PPM1E: variants seen among roughly 807,000 people sequenced by gnomAD.
The protein encoded by PPM1E is protein phosphatase 1E.
PPM1E carries 20 observed loss-of-function variants against 65.9 expected under a neutral mutation model. The observed-to-expected ratio is 0.30, with a 90% CI of 0.21 to 0.44. The LOEUF is 0.44. PPM1E is among the 20% of genes least tolerant of loss of function. PPM1E has a pLI of 1.00. For missense variants in PPM1E, 713 were observed against 953.1 expected, an observed-to-expected ratio of 0.75 and a Z score of 3.32; for synonymous variants, 352 against 374.9, an observed-to-expected ratio of 0.94 and a Z score of 0.70.
chr17:58,849,203 G>C (rs530622012), intron 1 of PPM1E, among the ~76,000 whole-genome samples: 2 of 151,896 alleles, frequency 1.3e-5, no homozygotes, highest in South Asian at 4.2e-4. Flanking sequence ...CAATTTTGTT[G>C]ATCTTTTCAA....
rs770556324 is a variant in PPM1E at position 58,955,564 on chromosome 17, T to C, written c.465-85T>C. 5 of 1,448,928 alleles carry C rather than the reference T, an allele frequency of 3.5e-6. No homozygotes were observed. In the East Asian group the frequency reaches 9.7e-5, roughly 28 times the overall value. The allele number at this position is 1,448,928 out of a possible 1,614,324, so 89.8% of individuals were successfully genotyped here. On this transcript the variant is annotated intron_variant, in intron 1 of 6. Coordinates refer to ENST00000308249, the MANE Select transcript of PPM1E (RefSeq NM_014906.5). ...ATAATTTTGTTTTGAGACAATGTTA[T>C]AATTAATATGTAATTATTATAACGT...
chr17:58,957,290 C>T (rs1370598619), intron 2 of PPM1E, among the ~76,000 whole-genome samples: 4 of 152,096 alleles, frequency 2.6e-5, no homozygotes, highest in East Asian at 1.9e-4. Flanking sequence ...TGATGTCTTA[C>T]GCTACTCCCT....
intron 1 of PPM1E, among the ~76,000 whole-genome samples, chr17:58,764,188 T>A (rs1020913231): frequency 7.2e-5 from 11 of 151,978 alleles, no homozygotes; most frequent in African/African-American, 2.4e-4. Context: ...CATCCCAATT[T>A]GGAGTATCAC....
chr17:58,897,215 C>A (rs1407711128), intron 1 of PPM1E, among the ~76,000 whole-genome samples: 1 of 152,052 alleles, frequency 6.6e-6, no homozygotes, highest in East Asian at 1.9e-4. Context: ...GAGATCGAGA[C>A]CATCCTGGCT....
chr17:58,863,789 A>G (rs187833031), intron 1 of PPM1E, among the ~76,000 whole-genome samples: 57 of 152,182 alleles, frequency 3.7e-4, no homozygotes, highest in Non-Finnish European at 7.5e-4. Flanking sequence ...TCCCAACCGA[A>G]CACCTCTCCG....
chr17:58,845,270 T>G (rs979235899), intron 1 of PPM1E, among the ~76,000 whole-genome samples: 30 of 151,732 alleles, frequency 2.0e-4, no homozygotes, highest in Non-Finnish European at 7.4e-5. Flanking sequence ...GATTCATTCC[T>G]CTACAGTTCT....
At chr17:58,945,263 G>A (rs2052133152) in intron 1 of PPM1E, among the ~76,000 whole-genome samples, 1 of 151,680 alleles carries the variant, frequency 6.6e-6, no homozygotes, top group Admixed American at 6.6e-5. Context: ...TCCTGCCTCA[G>A]CCTCCCGAGT....
At chr17:58,813,651 A>G (rs1283284079) in intron 1 of PPM1E, among the ~76,000 whole-genome samples, 1 of 152,372 alleles carries the variant, frequency 6.6e-6, no homozygotes, top group Non-Finnish European at 1.5e-5. Context: ...ATGGGGGAAT[A>G]AATTATATTG....
At chr17:58,823,777 C>T (rs905650927) in intron 1 of PPM1E, among the ~76,000 whole-genome samples, 1 of 152,126 alleles carries the variant, frequency 6.6e-6, no homozygotes, top group Non-Finnish European at 1.5e-5. Flanking sequence ...GTTGCCCAGG[C>T]TGGAGTGCAG....
intron 1 of PPM1E, among the ~76,000 whole-genome samples, chr17:58,843,879 A>G (rs1467117030): frequency 3.3e-5 from 5 of 152,172 alleles, no homozygotes; most frequent in African/African-American, 1.2e-4. Flanking sequence ...TGTAGGGGAA[A>G]TGGCATATGA....
chr17:58,970,179 T>G (rs1432350600), intron 4 of PPM1E, among the ~76,000 whole-genome samples: 1 of 152,172 alleles, frequency 6.6e-6, no homozygotes, highest in Non-Finnish European at 1.5e-5. Context: ...GTGTATCTCT[T>G]GAGGGAAAAT....
intron 6 of PPM1E, 95 bp downstream of exon 6, chr17:58,973,020 T>C (rs918591946): frequency 2.2e-5 from 17 of 772,404 alleles, no homozygotes; most frequent in Non-Finnish European, 3.0e-5. Context: ...TGATAATTTA[T>C]GTTACCAGAA....
Position 58,983,023 on chromosome 17 carries a change from G to T in PPM1E, c.*1992G>T. 1 of 1,071,824 alleles carries T rather than the reference G, an allele frequency of 9.3e-7. No homozygotes were observed. The highest frequency in any genetic ancestry group is 2.6e-5 in the East Asian group (1 of 38,468). 66.4% of individuals were successfully genotyped at this position (1,071,824 alleles called of 1,614,324 possible). A position where few individuals can be genotyped will look rare whatever the true frequency, so the allele number is the denominator to read the frequency against. On this transcript the variant is annotated 3_prime_UTR_variant, in exon 7 of 7. Transcript: ENST00000308249. ...AAAGCTTTTTAAAATTTCTATTGTT[G>T]TCTATTGGTAATGTTTTTGATCAGA...
intron 1 of PPM1E, among the ~76,000 whole-genome samples, chr17:58,845,393 T>G (rs917653342): frequency 6.6e-6 from 1 of 151,956 alleles, no homozygotes; most frequent in Non-Finnish European, 1.5e-5. Flanking sequence ...TTATTGGTAT[T>G]AAGTATATTA....
intron 1 of PPM1E, among the ~76,000 whole-genome samples, chr17:58,904,794 A>G (rs1469890652): frequency 2.0e-5 from 3 of 151,176 alleles, no homozygotes; most frequent in South Asian, 4.2e-4. Context: ...TTTTAATTTC[A>G]CATTCCCCAC....
intron 1 of PPM1E, among the ~76,000 whole-genome samples, chr17:58,817,942 G>A (rs1190961649): frequency 2.0e-5 from 3 of 151,974 alleles, no homozygotes; most frequent in East Asian, 1.9e-4. Context: ...TAGTAGAGAC[G>A]GTGTTTCACC....
chr17:58,842,122 A>T (rs1022120932), intron 1 of PPM1E, among the ~76,000 whole-genome samples: 1 of 152,256 alleles, frequency 6.6e-6, no homozygotes, highest in African/African-American at 2.4e-5. Flanking sequence ...GACTACAGGC[A>T]TGGGAGCCAC....
At chr17:58,885,709 G>A (rs1215669109) in intron 1 of PPM1E, among the ~76,000 whole-genome samples, 1 of 152,082 alleles carries the variant, frequency 6.6e-6, no homozygotes, top group Non-Finnish European at 1.5e-5. Flanking sequence ...CCACCCTTTG[G>A]TATTTCAAGA....
chr17:58,882,449 G>C (rs1598627271), intron 1 of PPM1E, among the ~76,000 whole-genome samples: 1 of 151,886 alleles, frequency 6.6e-6, no homozygotes, highest in East Asian at 1.9e-4. Flanking sequence ...GGAGTGCAAT[G>C]GTGCCATCCC....
Sources: allele counts gnomAD v4.1 joint callset (sites outside exome capture counted in the v4.1 genomes callset), GRCh38; gene constraint gnomAD v4.1.1; transcripts MANE v1.5; gene names NCBI Gene and HGNC (gene_info 2026-07-23, HGNC 2026-07-21).